SEMA3A: variants seen among roughly 807,000 people sequenced by gnomAD.
SEMA3A encodes semaphorin-3A.
Under a neutral mutation model 97.9 loss-of-function variants are expected in SEMA3A, and 29 were observed. The observed-to-expected ratio is 0.30, with a 90% CI of 0.22 to 0.40. The LOEUF (loss-of-function observed/expected upper bound fraction) is 0.40, where lower values mean the gene tolerates loss of function less well. Ranked by LOEUF, SEMA3A falls within the 10% of genes least tolerant of loss-of-function variation. The pLI is 1.00. For synonymous variants in SEMA3A, 321 were observed against 323.7 expected, an observed-to-expected ratio of 0.99 and a Z score of 0.09; for missense variants, 763 against 951.3, an observed-to-expected ratio of 0.80 and a Z score of 2.60.
intron 3 of SEMA3A, chr7:84,306,344 G>C (rs1482424773): frequency 6.6e-6 from 1 of 151,726 alleles, no homozygotes; most frequent in Non-Finnish European, 1.5e-5. Context: ...GAATTCTTCA[G>C]ATTTACTAAA....
At chr7:84,421,410 A>G (rs1804589191) in intron 1 of SEMA3A, among the ~76,000 whole-genome samples, 1 of 152,078 alleles carries the variant, frequency 6.6e-6, no homozygotes, top group Admixed American at 6.6e-5. Flanking sequence ...ACACTAGACA[A>G]TAACTTGAAG....
chr7:84,181,518 A>G (rs999994697), intron 1 of SEMA3A, among the ~76,000 whole-genome samples: 2 of 152,088 alleles, frequency 1.3e-5, no homozygotes, highest in Admixed American at 1.3e-4. Flanking sequence ...AACTACAGCT[A>G]CTTACATTTT....
At chr7:84,248,399 G>A (rs139914708) in intron 3 of SEMA3A, among the ~76,000 whole-genome samples, 4,847 of 152,184 alleles carry the variant, frequency 0.032, 91 homozygotes, top group South Asian at 0.046. Context: ...CTATATGCCC[G>A]GCATGCAAAT....
At chr7:84,181,781 C>G (rs907618024) in intron 1 of SEMA3A, among the ~76,000 whole-genome samples, 1 of 152,142 alleles carries the variant, frequency 6.6e-6, no homozygotes, top group African/African-American at 2.4e-5. Flanking sequence ...CTATACCTCA[C>G]CTTCACATAT....
chr7:83,981,262 A>C, intron 14 of SEMA3A, 59 bp downstream of exon 14: 4 of 1,574,092 alleles, frequency 2.5e-6, no homozygotes, highest in Non-Finnish European at 3.5e-6. Context: ...GCTATTTCAA[A>C]CTTGGAATCA....
rs745510082 is a variant in SEMA3A, at chr7:84,194,588, C to G, written c.-2G>C. The G allele has an allele frequency of 1.3e-6, 2 of 1,573,938 alleles. No homozygotes were observed. Among genetic ancestry groups the G allele is most frequent in the African/African-American group, 2.7e-5 (2 of 74,136 alleles). On this transcript the variant is annotated 5_prime_UTR_variant, in exon 1 of 17. Coordinates refer to ENST00000265362, the MANE Select transcript of SEMA3A (RefSeq NM_006080.3). ...GACAATCCTAGTTAACCAGCCCATG[C>G]TGCAGACGCTGTAGGTCCCTTTGCT...
intron 4 of SEMA3A, among the ~76,000 whole-genome samples, chr7:84,066,097 G>A (rs1385651769): frequency 1.3e-5 from 2 of 151,500 alleles, no homozygotes; most frequent in African/African-American, 4.9e-5. Flanking sequence ...TCATCCCTGG[G>A]ATGCAAGGCT....
chr7:83,962,396 A>G (rs1182846908), intron 16 of SEMA3A, among the ~76,000 whole-genome samples: 5 of 152,154 alleles, frequency 3.3e-5, no homozygotes, highest in African/African-American at 1.2e-4. Flanking sequence ...AGTTTACAAT[A>G]GAGGTCTCAA....
chr7:83,977,116 G>GA lies in SEMA3A; in HGVS notation c.1717+15dup. Reference sequence around the variant, plus strand: ...GCCTGGTCTTAGCAGGTTGAAAGATGAAAAATGTGACTTACCATGGTGTAA... The same window carrying GA: ...GCCTGGTCTTAGCAGGTTGAAAGATGAAAAAATGTGACTTACCATGGTGTAA... On this transcript the variant is annotated intron_variant, in intron 15 of 16. Transcript: ENST00000265362. The GA allele has an allele frequency of 6.6e-7, 1 of 1,506,698 alleles. No individual in the cohort carries two copies. The highest frequency in any genetic ancestry group is 2.4e-5 in the East Asian group (1 of 41,392). 93.3% of individuals were successfully genotyped at this position (1,506,698 alleles called of 1,614,324 possible). A position where few individuals can be genotyped will look rare whatever the true frequency, so the allele number is the denominator to read the frequency against.
chr7:84,492,714 G>A (rs2116456930), exon 1 of SEMA3A: 1 of 151,850 alleles, frequency 6.6e-6, no homozygotes, highest in African/African-American at 2.4e-5. Context: ...GGATCTATCA[G>A]GCTTCATCTC....
At chr7:84,014,724 T>C (rs1245545044) in intron 6 of SEMA3A, among the ~76,000 whole-genome samples, 1 of 152,204 alleles carries the variant, frequency 6.6e-6, no homozygotes, top group Non-Finnish European at 1.5e-5. Flanking sequence ...CATAAGAATT[T>C]AAATCAAAAT....
At chr7:84,221,733 G>A (rs1194379265) in intron 3 of SEMA3A, among the ~76,000 whole-genome samples, 1 of 151,904 alleles carries the variant, frequency 6.6e-6, no homozygotes, top group Non-Finnish European at 1.5e-5. Flanking sequence ...GTCTTACATA[G>A]GCATAGTTTA....
intron 3 of SEMA3A, among the ~76,000 whole-genome samples, chr7:84,255,970 G>T (rs1231533372): frequency 1.3e-5 from 2 of 150,896 alleles, no homozygotes; most frequent in Non-Finnish European, 2.9e-5. Flanking sequence ...CCAAGCACAA[G>T]AATAAAATAT....
intron 6 of SEMA3A, among the ~76,000 whole-genome samples, chr7:84,034,855 A>G (rs1436906506): frequency 1.3e-5 from 2 of 152,082 alleles, no homozygotes; most frequent in Non-Finnish European, 2.9e-5. Context: ...CAAGACTAAT[A>G]AAGGTTTTTC....
At chr7:84,236,808 C>T (rs1299814784) in intron 3 of SEMA3A, among the ~76,000 whole-genome samples, 2 of 152,082 alleles carry the variant, frequency 1.3e-5, no homozygotes, top group Non-Finnish European at 2.9e-5. Flanking sequence ...CTTCCCCTGT[C>T]ATTTATGGAG....
chr7:84,398,488 A>G (rs1452260209), intron 1 of SEMA3A, among the ~76,000 whole-genome samples: 9 of 152,042 alleles, frequency 5.9e-5, no homozygotes, highest in African/African-American at 2.2e-4. Flanking sequence ...TTAAAAATCA[A>G]ACTTAAGGTC....
intron 6 of SEMA3A, among the ~76,000 whole-genome samples, chr7:84,032,531 T>G (rs1192676543): frequency 2.0e-5 from 3 of 152,174 alleles, no homozygotes; most frequent in African/African-American, 7.2e-5. Context: ...ATAGTTTTGA[T>G]TCTTGAAAAT....
intron 3 of SEMA3A, among the ~76,000 whole-genome samples, chr7:84,244,097 G>A (rs748482544): frequency 6.6e-6 from 1 of 152,164 alleles, no homozygotes; most frequent in Non-Finnish European, 1.5e-5. Flanking sequence ...GAGTCCTGTA[G>A]CTGTCTATAG....
intron 2 of SEMA3A, among the ~76,000 whole-genome samples, chr7:84,365,559 T>C (rs1802828148): frequency 6.6e-6 from 1 of 151,624 alleles, no homozygotes; most frequent in Non-Finnish European, 1.5e-5. Flanking sequence ...AAAGTAAATA[T>C]GACTGTATCT....
Sources: gnomAD v4.1 joint callset for allele counts (sites outside exome capture counted in the v4.1 genomes callset) on GRCh38, gnomAD v4.1.1 for gene constraint, MANE v1.5 for transcripts, NCBI Gene and HGNC (gene_info 2026-07-23, HGNC 2026-07-21) for gene names.